Variants in GPRIN3 observed in about 807,000 individuals in gnomAD.
The protein encoded by GPRIN3 is G protein-regulated inducer of neurite outgrowth 3.
GPRIN3 carries 12 observed loss-of-function variants against 13.7 expected under a neutral mutation model. The observed-to-expected ratio is 0.87, with a 90% CI of 0.56 to 1.42. GPRIN3 has a LOEUF of 1.42. Ranked by LOEUF, GPRIN3 falls within the 40% of genes most tolerant of loss-of-function variation. The pLI is 0.00. For synonymous variants in GPRIN3, 377 were observed against 372.7 expected, an observed-to-expected ratio of 1.01 and a Z score of -0.13; for missense variants, 1,009 against 958.7, an observed-to-expected ratio of 1.05 and a Z score of -0.69.
chr4:89,262,107 C>T (rs559746431), intron 1 of GPRIN3, among the ~76,000 whole-genome samples: 164 of 133,566 alleles, frequency 1.2e-3, no homozygotes, highest in African/African-American at 4.1e-3. Flanking sequence ...GCCTAGATGA[C>T]GGAGTGAGAC....
In GPRIN3 at chr4:89,241,401, C is replaced by T. The variant is rs373995756; in HGVS notation, c.*6379G>A. ...ACACATAAAAATAGAAAACTGATCA[C>T]TCAGACTGTACACACTCACAGAATG... On this transcript the variant is annotated 3_prime_UTR_variant, in exon 2 of 2. Transcript: ENST00000609438. The T allele has an allele frequency of 5.3e-5, 8 of 152,152 alleles. No homozygotes were observed. The highest frequency in any genetic ancestry group is 1.4e-4 in the African/African-American group (6 of 41,414). The allele number at this position is 152,152 out of a possible 1,614,324, so 9.4% of individuals were successfully genotyped here.
intron 1 of GPRIN3, among the ~76,000 whole-genome samples, chr4:89,297,239 TG>T (rs1188240872): frequency 4.6e-5 from 7 of 152,212 alleles, no homozygotes; most frequent in Admixed American, 1.3e-4. Flanking sequence ...CAGATAAGCC[TG>T]AAGAATAAAA....
At chr4:89,274,502 A>G (rs757256268) in intron 1 of GPRIN3, among the ~76,000 whole-genome samples, 3 of 152,216 alleles carry the variant, frequency 2.0e-5, no homozygotes. Flanking sequence ...CGGACTGGAC[A>G]AAAGGGTAAT....
In GPRIN3 at chr4:89,238,084, G is replaced by T. The variant is rs914456456; in HGVS notation, c.*9696C>A. ...AAGAGTTAGAGAATGGCAGCCACAGGGCACCATTTTAGGTTAAAATAGTGT... is the reference window on the plus strand; with the variant it reads ...AAGAGTTAGAGAATGGCAGCCACAGTGCACCATTTTAGGTTAAAATAGTGT... On this transcript the variant is annotated 3_prime_UTR_variant, in exon 2 of 2. Coordinates refer to ENST00000609438, the MANE Select transcript of GPRIN3 (RefSeq NM_198281.3). 2.0e-5 allele frequency: 3 copies of T among 151,258 alleles called. No individual in the cohort carries two copies. Among genetic ancestry groups the T allele is most frequent in the African/African-American group, 4.9e-5 (2 of 40,964 alleles). The allele number at this position is 151,258 out of a possible 1,614,324, so 9.4% of individuals were successfully genotyped here.
intron 1 of GPRIN3, among the ~76,000 whole-genome samples, chr4:89,286,626 A>G (rs1192571556): frequency 6.6e-6 from 1 of 152,144 alleles, no homozygotes; most frequent in Non-Finnish European, 1.5e-5. Flanking sequence ...CCTTTTATAC[A>G]TTAATTTTGT....
intron 1 of GPRIN3, among the ~76,000 whole-genome samples, chr4:89,253,654 GCTAA>G (rs1255848286): frequency 6.6e-6 from 1 of 152,164 alleles, no homozygotes; most frequent in Admixed American, 6.5e-5. Flanking sequence ...CCAACACATA[GCTAA>G]CTTTTAGTTT....
intron 1 of GPRIN3, chr4:89,250,579 T>C (rs186548016): frequency 6.5e-6 from 1 of 153,518 alleles, no homozygotes; most frequent in African/African-American, 2.4e-5. Flanking sequence ...CAGAAAATCC[T>C]GTAAAGCCAC....
intron 1 of GPRIN3, among the ~76,000 whole-genome samples, chr4:89,263,093 T>G (rs1304176874): frequency 6.6e-6 from 1 of 152,232 alleles, no homozygotes; most frequent in East Asian, 1.9e-4. Flanking sequence ...TGGGCTTAAC[T>G]GAATTTATCA....
chr4:89,291,819 T>C (rs2110015519), intron 1 of GPRIN3, among the ~76,000 whole-genome samples: 1 of 144,636 alleles, frequency 6.9e-6, no homozygotes, highest in South Asian at 2.2e-4. Flanking sequence ...CAACACTTGG[T>C]ACTGTCAGGG....
rs1479131084 is a variant in GPRIN3, at chr4:89,244,961, A to G, written c.*2819T>C. On this transcript the variant is annotated 3_prime_UTR_variant, in exon 2 of 2. Coordinates refer to ENST00000609438, the MANE Select transcript of GPRIN3 (RefSeq NM_198281.3). ...TGTGTGTCATGCAGGTAAAGTAAGGAAAAAACTGAGCAAGTTCCAAGAGTC... is the reference window on the plus strand; with the variant it reads ...TGTGTGTCATGCAGGTAAAGTAAGGGAAAAACTGAGCAAGTTCCAAGAGTC... The G allele has an allele frequency of 1.3e-5, 2 of 152,238 alleles. No homozygotes were observed. Among genetic ancestry groups the G allele is most frequent in the African/African-American group, 4.8e-5 (2 of 41,470 alleles). The allele number at this position is 152,238 out of a possible 1,614,324, so 9.4% of individuals were successfully genotyped here.
intron 1 of GPRIN3, among the ~76,000 whole-genome samples, chr4:89,276,766 G>A (rs375700579): frequency 1.3e-5 from 2 of 152,244 alleles, no homozygotes; most frequent in East Asian, 3.9e-4. Context: ...TGATGGCATC[G>A]TTTCTCCTAC....
chr4:89,288,680 T>C (rs1031278152), intron 1 of GPRIN3, among the ~76,000 whole-genome samples: 1 of 152,220 alleles, frequency 6.6e-6, no homozygotes, highest in Admixed American at 6.5e-5. Flanking sequence ...GGGGCTGAAC[T>C]ACATTTTACC....
intron 1 of GPRIN3, among the ~76,000 whole-genome samples, chr4:89,275,952 C>A (rs369400146): frequency 6.6e-5 from 10 of 152,210 alleles, no homozygotes; most frequent in Admixed American, 6.5e-4. Flanking sequence ...ATAATGCCTA[C>A]AATTAACCTA....
Position 89,248,467 on chromosome 4 carries a change from T to C in GPRIN3, c.1644A>G (p.Glu548=). The C allele has an allele frequency of 6.8e-6, 11 of 1,613,052 alleles. No homozygotes were observed. Among genetic ancestry groups the C allele is most frequent in the Non-Finnish European group, 8.5e-6 (10 of 1,179,604 alleles). The change falls in exon 2 of 2, where the codon GAA becomes GAG. Residue 548 remains glutamate, a synonymous_variant. Transcript: ENST00000609438. ...AGGTATCAGTGCCAGTAGACTCTTT[T>C]TCTTTTACTACCTGAGGAGATGCAG... is the stretch of plus-strand genomic sequence containing the variant. ...KKPASPQVVK[E]KESTGTDTSD...
chr4:89,301,764 A>C (rs1471032561), intron 1 of GPRIN3, among the ~76,000 whole-genome samples: 1 of 152,140 alleles, frequency 6.6e-6, no homozygotes, highest in African/African-American at 2.4e-5. Flanking sequence ...TTTCCTCCAG[A>C]AAATTAACAG....
At chr4:89,271,721 G>T (rs1561207057) in intron 1 of GPRIN3, among the ~76,000 whole-genome samples, 1 of 152,026 alleles carries the variant, frequency 6.6e-6, no homozygotes, top group Admixed American at 6.5e-5. Context: ...TGGACAAATG[G>T]TTAAAACAAT....
chr4:89,279,090 C>T (rs1724172607), intron 1 of GPRIN3, among the ~76,000 whole-genome samples: 2 of 152,296 alleles, frequency 1.3e-5, no homozygotes, highest in Non-Finnish European at 2.9e-5. Flanking sequence ...GAGGGAAGAA[C>T]CGATTCCCCT....
rs1352618883 is a variant in GPRIN3, at chr4:89,267,987, C to A, written c.-123-17754G>T. ...TCAGATTGCGTGATATTTGTAAAAGCATAATACTGGGATGTAGTTACGCAA... is the reference window on the plus strand; with the variant it reads ...TCAGATTGCGTGATATTTGTAAAAGAATAATACTGGGATGTAGTTACGCAA... On this transcript the variant is annotated intron_variant, in intron 1 of 1. Coordinates refer to ENST00000609438, the MANE Select transcript of GPRIN3 (RefSeq NM_198281.3). Among the ~76,000 whole-genome samples the A allele has an allele frequency of 4.6e-5, 7 of 152,102 alleles. No individual in the cohort carries two copies. The South Asian group carries it at 1.0e-3, about 23-fold the overall frequency.
rs1163677390 is a variant in GPRIN3, at chr4:89,242,112, A to T, written c.*5668T>A. The T allele has an allele frequency of 6.6e-6, 1 of 152,212 alleles. No individual in the cohort carries two copies. The highest frequency in any genetic ancestry group is 2.4e-5 in the African/African-American group (1 of 41,456). The allele number at this position is 152,212 out of a possible 1,614,324, so 9.4% of individuals were successfully genotyped here. A position where few individuals can be genotyped will look rare whatever the true frequency, so the allele number is the denominator to read the frequency against. On this transcript the variant is annotated 3_prime_UTR_variant, in exon 2 of 2. Transcript: ENST00000609438. ...ATAATTATCACCATGCAGGTTGATC[A>T]TCAATATCCTTTTCTAAAGTGTAAA...
Sources: gnomAD v4.1 joint callset for allele counts (sites outside exome capture counted in the v4.1 genomes callset) on GRCh38, gnomAD v4.1.1 for gene constraint, MANE v1.5 for transcripts, NCBI Gene and HGNC (gene_info 2026-07-23, HGNC 2026-07-21) for gene names.